The following FGFR1 variants were observed in gnomAD, a reference collection of about 807,000 sequenced individuals.
FGFR1 encodes FGFR1/PLAG1 fusion.
Under a neutral mutation model 93.7 loss-of-function variants are expected in FGFR1, and 18 were observed. That is an observed-to-expected ratio of 0.19 (90% CI 0.13 to 0.28). The LOEUF (loss-of-function observed/expected upper bound fraction) is 0.28, where lower values mean the gene tolerates loss of function less well. FGFR1 is among the 10% of genes least tolerant of loss of function. FGFR1 has a pLI of 1.00. For synonymous variants in FGFR1, 448 were observed against 429.3 expected (o/e 1.04, Z -0.54); for missense variants, 731 against 1,080.4 (o/e 0.68, Z 4.53).
chr8:38,454,363 A>G (rs1832053539), intron 2 of FGFR1, among the ~76,000 whole-genome samples: 1 of 152,072 alleles, frequency 6.6e-6, no homozygotes, highest in Admixed American at 6.6e-5. Flanking sequence ...TCAAACCTCA[A>G]CTAGCTCCTT....
At chr8:38,461,089 T>C (rs1316918066) in intron 1 of FGFR1, 3 of 1,536,024 alleles carry the variant, frequency 2.0e-6, no homozygotes, top group East Asian at 4.9e-5. Context: ...GGGGCTGAAA[T>C]ACTTGCCTTG....
intron 12 of FGFR1, 149 bp from the exon 13 acceptor site, chr8:38,416,209 CCCAAAAAAAATCAGAGAAATAAT>C (rs1816528196): frequency 4.3e-6 from 3 of 692,896 alleles, no homozygotes; most frequent in Admixed American, 4.7e-5. Context: ...CATTCTACTA[CCCAAAAAAAATCAGAGAAATAAT>C]TACTCCCAGC....
chr8:38,420,928 G>T (rs1818519459), intron 8 of FGFR1, among the ~76,000 whole-genome samples: 2 of 152,170 alleles, frequency 1.3e-5, no homozygotes, highest in Non-Finnish European at 2.9e-5. Flanking sequence ...GAGCACATGG[G>T]GAGCACGGAC....
chr8:38,445,326 C>T (rs979598100), intron 2 of FGFR1, among the ~76,000 whole-genome samples: 1 of 152,152 alleles, frequency 6.6e-6, no homozygotes, highest in South Asian at 2.1e-4. Context: ...GGTGCTTCTC[C>T]AGAATCTAAG....
Position 38,424,786 on chromosome 8 carries a change from TC to T in FGFR1, c.746-88del. 1 of 1,412,772 alleles carries T rather than the reference TC, an allele frequency of 7.1e-7. No homozygotes were observed. Among genetic ancestry groups the T allele is most frequent in the Non-Finnish European group, 9.8e-7 (1 of 1,025,518 alleles). The allele number at this position is 1,412,772 out of a possible 1,614,324, so 87.5% of individuals were successfully genotyped here. A position where few individuals can be genotyped will look rare whatever the true frequency, so the allele number is the denominator to read the frequency against. ...GGCTCACCTGCGCCCCACTTGGCTT[TC>T]CCAGTGATGGGTTGTAAACCTCCCA... is the stretch of plus-strand genomic sequence containing the variant. On this transcript the variant is annotated intron_variant, in intron 6 of 17. Coordinates refer to ENST00000447712, the MANE Select transcript of FGFR1 (RefSeq NM_023110.3). The surrounding 1 kb of genome is among the most constrained non-coding windows in gnomAD (Gnocchi z 4.3).
chr8:38,447,966 C>G lies in FGFR1; in HGVS notation c.91+9390G>C, dbSNP rs549182804. On this transcript the variant is annotated intron_variant, in intron 2 of 17. Coordinates refer to ENST00000447712, the MANE Select transcript of FGFR1 (RefSeq NM_023110.3). ...CAAACTATTGAAAATAACCTAAATG[C>G]CCAAATGTAGAGAACTGGATCAACT... 7.9e-5 allele frequency among the ~76,000 whole-genome samples: 12 copies of G among 152,192 alleles called. No homozygotes were observed. In the East Asian group the frequency reaches 2.3e-3, roughly 29 times the overall value.
At chr8:38,425,377 G>A (rs1183501939) in intron 6 of FGFR1, among the ~76,000 whole-genome samples, 2 of 152,028 alleles carry the variant, frequency 1.3e-5, no homozygotes, top group South Asian at 2.1e-4. Context: ...CACACTCCTG[G>A]CCTCAAGCAA....
At chr8:38,437,797 T>C (rs570385742) in intron 2 of FGFR1, among the ~76,000 whole-genome samples, 2 of 152,314 alleles carry the variant, frequency 1.3e-5, no homozygotes, top group South Asian at 2.1e-4. Flanking sequence ...GCAGAGACTA[T>C]GAATGCAGGG....
intron 2 of FGFR1, among the ~76,000 whole-genome samples, chr8:38,442,501 G>A (rs1827865010): frequency 6.6e-6 from 1 of 152,012 alleles, no homozygotes; most frequent in Admixed American, 6.6e-5. Flanking sequence ...GCACTTCCTG[G>A]TCTGGGTTCT....
At chr8:38,432,466 G>A (rs957547911) in intron 2 of FGFR1, among the ~76,000 whole-genome samples, 1 of 148,828 alleles carries the variant, frequency 6.7e-6, no homozygotes, top group Non-Finnish European at 1.5e-5. Flanking sequence ...AGGCTGGAGT[G>A]AAGTGCTGCG....
At chr8:38,423,305 C>A (rs942945946) in intron 7 of FGFR1, 1 of 591,430 alleles carries the variant, frequency 1.7e-6, no homozygotes. Flanking sequence ...ATTACCTTTC[C>A]CTTTTAGTTT....
intron 7 of FGFR1, chr8:38,423,177 TG>T (rs1819433127): frequency 1.3e-6 from 1 of 778,948 alleles, no homozygotes; most frequent in Non-Finnish European, 2.4e-6. Context: ...CCCCGAATGC[TG>T]GAACAAACCA....
Position 38,452,210 on chromosome 8 carries a change from C to G in FGFR1, c.91+5146G>C, listed in dbSNP as rs1006547335. 9.7e-3 allele frequency among the ~76,000 whole-genome samples: 711 copies of G among 73,408 alleles called. 4 individuals carry two copies. Among genetic ancestry groups the G allele is most frequent in the African/African-American group, 0.02 (646 of 31,574 alleles). The allele number at this position is 73,408 out of a possible 152,430, so 48.2% of individuals were successfully genotyped here. ...ACACACAGACACACAGACACACACA[C>G]ACACACACACACACACACACACACA... On this transcript the variant is annotated intron_variant, in intron 2 of 17. Coordinates refer to ENST00000447712, the MANE Select transcript of FGFR1 (RefSeq NM_023110.3).
chr8:38,447,573 C>T (rs1333712170), intron 2 of FGFR1, among the ~76,000 whole-genome samples: 1 of 152,140 alleles, frequency 6.6e-6, no homozygotes. Context: ...CCTCCACCTC[C>T]TGGGTTCAAG....
intron 6 of FGFR1, 200 bp downstream of exon 6, chr8:38,425,922 A>T: frequency 1.5e-6 from 1 of 673,638 alleles, no homozygotes; most frequent in Non-Finnish European, 2.6e-6. Context: ...TGACCGTGTT[A>T]CTGTCTGATC....
chr8:38,438,047 C>T (rs1826031687), intron 2 of FGFR1, among the ~76,000 whole-genome samples: 1 of 152,144 alleles, frequency 6.6e-6, no homozygotes, highest in Non-Finnish European at 1.5e-5. Context: ...CTACTACTGG[C>T]CAATATTTCC....
rs528527963 is a variant in FGFR1, at chr8:38,412,460, G to C, written c.*1168C>G. On this transcript the variant is annotated 3_prime_UTR_variant, in exon 18 of 18. Coordinates refer to ENST00000447712, the MANE Select transcript of FGFR1 (RefSeq NM_023110.3). ...AGGAAACCATCCATGGTCGATGGCTGCTGGGCCTTGACTCTCTGCCCAGCG... is the reference window on the plus strand; with the variant it reads ...AGGAAACCATCCATGGTCGATGGCTCCTGGGCCTTGACTCTCTGCCCAGCG... 2 of 231,880 alleles carry C rather than the reference G, an allele frequency of 8.6e-6. No individual in the cohort carries two copies. Among genetic ancestry groups the C allele is most frequent in the African/African-American group, 4.4e-5 (2 of 45,384 alleles). The allele number at this position is 231,880 out of a possible 1,614,324, so 14.4% of individuals were successfully genotyped here.
chr8:38,429,947 G>A lies in FGFR1; in HGVS notation c.93C>T (p.Ala31=), dbSNP rs762961309. The A allele has an allele frequency of 6.2e-7, 1 of 1,603,966 alleles. No individual in the cohort carries two copies. The highest frequency in any genetic ancestry group is 8.5e-7 in the Non-Finnish European group (1 of 1,173,990). Residue 31 remains alanine (A), a splice_region_variant and synonymous_variant, in exon 3 of 18, where the codon GCC becomes GCT. Transcript: ENST00000447712. The surrounding 1 kb of genome is among the most constrained non-coding windows in gnomAD (Gnocchi z 4.4). ...ARPSPTLPEQ[A]QPWGAPVEVE... ...CTTCCACAGGGGCTCCCCAGGGCTG[G>A]GCTGCAGCCACCACGGGGCCGGGAA...
chr8:38,434,785 T>C (rs543065812), intron 2 of FGFR1: 1 of 154,878 alleles, frequency 6.5e-6, no homozygotes, highest in South Asian at 2.0e-4. Flanking sequence ...GGAACAGCGA[T>C]GAGTGAGGAG....
Sources: gnomAD v4.1 joint callset for allele counts (sites outside exome capture counted in the v4.1 genomes callset) on GRCh38, gnomAD v4.1.1 for gene constraint, Gnocchi (gnomAD v3.1) non-coding constraint, MANE v1.5 for transcripts, NCBI Gene and HGNC (gene_info 2026-07-23, HGNC 2026-07-21) for gene names.